Variants in PKHD1 observed in about 807,000 individuals in gnomAD.
PKHD1 encodes fibrocystin.
A neutral mutation model predicts 412.0 loss-of-function variants in PKHD1; 291 were observed. The observed-to-expected ratio is 0.71, with a 90% CI of 0.64 to 0.78. The LOEUF (loss-of-function observed/expected upper bound fraction) is 0.78, where lower values mean the gene tolerates loss of function less well. Among genes scored for constraint, PKHD1 ranks in the 30% least tolerant of loss-of-function variants. The pLI is 0.00. For missense variants in PKHD1, 4,825 were observed against 4,950.7 expected, an observed-to-expected ratio of 0.97 and a Z score of 0.76; for synonymous variants, 1,777 against 1,821.5, an observed-to-expected ratio of 0.98 and a Z score of 0.62.
At chr6:52,014,793 G>GATGGATC (rs1800314479) in intron 34 of PKHD1, among the ~76,000 whole-genome samples, 2 of 51,964 alleles carry the variant, frequency 3.8e-5, no homozygotes, top group Non-Finnish European at 1.4e-4. Flanking sequence ...ATGGATCATG[G>GATGGATC]ATGGATGGAT....
chr6:52,036,693 C>T (rs961782952), intron 27 of PKHD1, among the ~76,000 whole-genome samples: 4 of 151,784 alleles, frequency 2.6e-5, no homozygotes, highest in Admixed American at 2.0e-4. Context: ...AATATACAAT[C>T]GTGATATAAA....
At chr6:51,669,997 G>T (rs1464616110) in intron 60 of PKHD1, among the ~76,000 whole-genome samples, 1 of 151,726 alleles carries the variant, frequency 6.6e-6, no homozygotes, top group Admixed American at 6.6e-5. Flanking sequence ...CAGGTGTGGT[G>T]TGGTGCTGAA....
intron 60 of PKHD1, among the ~76,000 whole-genome samples, chr6:51,716,894 A>C (rs558085749): frequency 6.6e-6 from 1 of 152,236 alleles, no homozygotes; most frequent in East Asian, 1.9e-4. Flanking sequence ...TAAGGAGCAG[A>C]GGCAAGCAGA....
At chr6:51,968,058 G>C (rs1305963214) in intron 35 of PKHD1, among the ~76,000 whole-genome samples, 2 of 152,044 alleles carry the variant, frequency 1.3e-5, no homozygotes, top group Non-Finnish European at 2.9e-5. Flanking sequence ...CACCTGAAGG[G>C]AAGCAAAATG....
chr6:51,936,374 G>T (rs1250577508), intron 36 of PKHD1, among the ~76,000 whole-genome samples: 1 of 152,182 alleles, frequency 6.6e-6, no homozygotes, highest in African/African-American at 2.4e-5. Flanking sequence ...TCAAAAGGCA[G>T]ATTCTACTAT....
At chr6:52,015,381 T>A (rs1800390656) in intron 34 of PKHD1, among the ~76,000 whole-genome samples, 1 of 152,204 alleles carries the variant, frequency 6.6e-6, no homozygotes, top group African/African-American at 2.4e-5. Context: ...TTAAGGTTAT[T>A]CGTGAATCGG....
intron 35 of PKHD1, among the ~76,000 whole-genome samples, chr6:51,998,996 T>C (rs1186456203): frequency 6.6e-6 from 1 of 152,122 alleles, no homozygotes; most frequent in African/African-American, 2.4e-5. Context: ...AGAAGAGGTG[T>C]TGCCTAACCC....
At position 51,903,832 on chromosome 6, in the gene PKHD1, C is replaced by CATATATAT. The variant is rs66966800; in HGVS notation, c.6866-113_6866-106dup. ...ACATCAGAGTTCACATAATGCATTT[C>CATATATAT]ATATATATATATATATATATATATA... is the stretch of plus-strand genomic sequence containing the variant. On this transcript the variant is annotated intron_variant, in intron 42 of 66. Coordinates refer to ENST00000371117, the MANE Select transcript of PKHD1 (RefSeq NM_138694.4). 1,063 of 435,184 alleles carry CATATATAT rather than the reference C, an allele frequency of 2.4e-3. 8 individuals carry two copies. The highest frequency in any genetic ancestry group is 0.015 in the African/African-American group (583 of 39,902). 27.0% of individuals were successfully genotyped at this position (435,184 alleles called of 1,614,324 possible). A position where few individuals can be genotyped will look rare whatever the true frequency, so the allele number is the denominator to read the frequency against.
At chr6:51,653,410 C>T (rs540391975) in intron 61 of PKHD1, among the ~76,000 whole-genome samples, 1 of 152,156 alleles carries the variant, frequency 6.6e-6, no homozygotes, top group South Asian at 2.1e-4. Flanking sequence ...GTTGTAAGCA[C>T]CCAGTACATG....
chr6:52,033,447 T>C (rs1216005084), intron 28 of PKHD1, among the ~76,000 whole-genome samples: 4 of 152,012 alleles, frequency 2.6e-5, no homozygotes, highest in Non-Finnish European at 5.9e-5. Context: ...ATAAGAATTA[T>C]TTGCAATTAA....
In PKHD1 at chr6:52,025,786, A is replaced by T; in HGVS notation, c.4024T>A (p.Ser1342Thr). 6.2e-7 allele frequency: 1 copy of T among 1,614,214 alleles called. No homozygotes were observed. Among genetic ancestry groups the T allele is most frequent in the East Asian group, 2.2e-5 (1 of 44,882 alleles). ...GACAGGCTCACGTTGCCCTGGAAGG[A>T]CTGTGTCTCAACATCACAGTTCAGG... ...GNLNCDVETQ[S>T]FQGNVSLSGC... Residue 1342 changes from serine to threonine, a missense_variant, in exon 32 of 67, where the codon TCC (serine) becomes ACC (threonine). By Grantham distance (58) the Ser-to-Thr change is moderately conservative. Coordinates refer to ENST00000371117, the MANE Select transcript of PKHD1 (RefSeq NM_138694.4).
At chr6:51,727,688 G>A (rs1009879813) in intron 60 of PKHD1, among the ~76,000 whole-genome samples, 25 of 152,124 alleles carry the variant, frequency 1.6e-4, no homozygotes, top group African/African-American at 6.0e-4. Flanking sequence ...TCCCTTTGCT[G>A]CTGGTGTGCC....
intron 60 of PKHD1, among the ~76,000 whole-genome samples, chr6:51,703,552 CAGA>C (rs776837411): frequency 2.0e-5 from 3 of 151,800 alleles, no homozygotes; most frequent in Non-Finnish European, 4.4e-5. Flanking sequence ...AATTCCAAGC[CAGA>C]AGAAGGAGGG....
rs115072237 is a variant in PKHD1, at chr6:51,658,941, T to C, written c.11174+11A>G. ...AGCCCTCATTTGGATGTGAATATAA[T>C]TAGTACTTACCCATAGCCAATGACT... On this transcript the variant is annotated intron_variant, in intron 61 of 66. Transcript: ENST00000371117. 0.018 allele frequency: 27,971 copies of C among 1,580,436 alleles called. 323 individuals are homozygous for C. The highest frequency in any genetic ancestry group is 0.021 in the Non-Finnish European group (24,635 of 1,149,534).
At chr6:51,881,973 C>A (rs181045743) in intron 46 of PKHD1, among the ~76,000 whole-genome samples, 394 of 152,250 alleles carry the variant, frequency 2.6e-3, no homozygotes, top group Non-Finnish European at 4.6e-3. Flanking sequence ...ATGATAGCCA[C>A]CCTTTTGTCA....
chr6:51,978,248 A>G (rs1794712406), intron 35 of PKHD1, among the ~76,000 whole-genome samples: 1 of 152,230 alleles, frequency 6.6e-6, no homozygotes, highest in African/African-American at 2.4e-5. Flanking sequence ...GGAGCCTTTT[A>G]AAATTAGATA....
At chr6:51,743,109 C>T (rs1285634820) in intron 60 of PKHD1, among the ~76,000 whole-genome samples, 3 of 152,058 alleles carry the variant, frequency 2.0e-5, no homozygotes, top group Non-Finnish European at 2.9e-5. Flanking sequence ...AGGCTTGTAG[C>T]TGGGACTTCA....
At position 51,753,275 on chromosome 6, in the gene PKHD1, A is replaced by G. The variant is rs774820927; in HGVS notation, c.8876T>C (p.Ile2959Thr). Residue 2959 changes from isoleucine to threonine, a missense_variant, in exon 57 of 67, where the codon ATT becomes ACT. By Grantham distance (89) the Ile-to-Thr change is moderately conservative. Coordinates refer to ENST00000371117, the MANE Select transcript of PKHD1 (RefSeq NM_138694.4). ...EVGLLTRNIQ[I>T]QPDVSCRGRL... Reference sequence around the variant, plus strand: ...CCCCCTACATGATACGTCAGGCTGAATTTGTATATTTCGGGTCAACAGTCC... The same window carrying G: ...CCCCCTACATGATACGTCAGGCTGAGTTTGTATATTTCGGGTCAACAGTCC... 1 of 1,613,846 alleles carries G rather than the reference A, an allele frequency of 6.2e-7. No individual in the cohort carries two copies. Among genetic ancestry groups the G allele is most frequent in the Admixed American group, 1.7e-5 (1 of 59,988 alleles).
intron 1 of PKHD1, among the ~76,000 whole-genome samples, chr6:52,086,267 C>A (rs1219013728): frequency 6.6e-6 from 1 of 151,514 alleles, no homozygotes; most frequent in Non-Finnish European, 1.5e-5. Flanking sequence ...TGCGCCACCA[C>A]ACCCGGCTAA....
Sources: allele counts gnomAD v4.1 joint callset (sites outside exome capture counted in the v4.1 genomes callset), GRCh38; gene constraint gnomAD v4.1.1; transcripts MANE v1.5; gene names NCBI Gene and HGNC (gene_info 2026-07-23, HGNC 2026-07-21).